ACOT11: variants seen among roughly 807,000 people sequenced by gnomAD.
ACOT11 encodes acyl-coenzyme A thioesterase 11.
In ACOT11, 69 loss-of-function variants were observed where a neutral mutation model predicts 77.5. The observed-to-expected ratio is 0.89, with a 90% confidence interval of 0.73 to 1.09. The LOEUF is 1.09. Ranked by LOEUF, ACOT11 falls within the 50% of genes least tolerant of loss-of-function variation. The probability of loss-of-function intolerance (pLI) is 0.00; values close to 1 mark genes in which losing one functional copy is unlikely to be tolerated. For missense variants in ACOT11, 766 were observed against 813.7 expected (o/e 0.94, Z 0.71); for synonymous variants, 279 against 313.0 (o/e 0.89, Z 1.15).
intron 15 of ACOT11, among the ~76,000 whole-genome samples, chr1:54,622,275 CAAAAAAAAAAA>C (rs34730286): frequency 1.7e-4 from 8 of 45,934 alleles, no homozygotes; most frequent in African/African-American, 7.2e-4. Context: ...GACTCTGTCT[CAAAAAAAAAAA>C]AAAAAAAAAA....
chr1:54,569,168 C>T (rs1653848537), intron 1 of ACOT11, among the ~76,000 whole-genome samples: 1 of 150,972 alleles, frequency 6.6e-6, no homozygotes, highest in Non-Finnish European at 1.5e-5. Context: ...TGCTCTCTTG[C>T]CCAAGTTGGT....
rs541754877 is a variant in ACOT11, at chr1:54,575,269, G to T, written c.34-9386G>T. ...TCACATATTTGCTTATGGGTCAAATGAGATGTGAATGGGAAAGCATTCAGG... is the reference window on the plus strand; with the variant it reads ...TCACATATTTGCTTATGGGTCAAATTAGATGTGAATGGGAAAGCATTCAGG... On this transcript the variant is annotated intron_variant, in intron 1 of 15. Transcript: ENST00000343744. Among the ~76,000 whole-genome samples the T allele has an allele frequency of 1.0e-3, 156 of 152,338 alleles. 1 individual carries two copies. Among genetic ancestry groups the T allele is most frequent in the Non-Finnish European group, 1.0e-3 (71 of 68,026 alleles).
chr1:54,563,118 C>T (rs1017789043), intron 1 of ACOT11, among the ~76,000 whole-genome samples: 5 of 152,250 alleles, frequency 3.3e-5, no homozygotes, highest in Non-Finnish European at 5.9e-5. Context: ...GCCTCCCGGG[C>T]GGCGCTCGCT....
rs1569747452 is a variant in ACOT11, at chr1:54,599,308, T to G, written c.777T>G (p.Arg259=). The G allele has an allele frequency of 6.3e-7, 1 of 1,588,536 alleles. No individual in the cohort carries two copies. Among genetic ancestry groups the G allele is most frequent in the East Asian group, 2.3e-5 (1 of 43,722 alleles). ...CCTGCCTCCTCAGCCGGCTCTGCCG[T>G]GCCCACCCTACGCTGAAGGCCATTG... ...VATIAASRLC[R]AHPTLKAIEM... The change falls in exon 8 of 16, where the codon CGT becomes CGG. Residue 259 remains arginine, a synonymous_variant. Coordinates refer to ENST00000343744, the MANE Select transcript of ACOT11 (RefSeq NM_147161.4).
chr1:54,603,285 G>GT (rs1411334288), intron 10 of ACOT11, among the ~76,000 whole-genome samples: 1 of 152,188 alleles, frequency 6.6e-6, no homozygotes, highest in Non-Finnish European at 1.5e-5. Context: ...GGAGTTGCAG[G>GT]TTGTAGCAAG....
chr1:54,560,867 G>A (rs767959599), intron 1 of ACOT11, among the ~76,000 whole-genome samples: 1 of 152,020 alleles, frequency 6.6e-6, no homozygotes, highest in South Asian at 2.1e-4. Context: ...GATTACAGGC[G>A]CCTGCCACCA....
At chr1:54,573,724 C>T (rs1176311084) in intron 1 of ACOT11, among the ~76,000 whole-genome samples, 1 of 150,658 alleles carries the variant, frequency 6.6e-6, no homozygotes, top group Non-Finnish European at 1.5e-5. Flanking sequence ...CAGAGTGAAA[C>T]TCTCTCAAAA....
At chr1:54,602,298 T>C (rs1230687990) in intron 9 of ACOT11, among the ~76,000 whole-genome samples, 1 of 152,016 alleles carries the variant, frequency 6.6e-6, no homozygotes, top group African/African-American at 2.4e-5. Context: ...CCTCAGAGGG[T>C]TGTTGTAAGG....
chr1:54,607,395 G>A lies in ACOT11; in HGVS notation c.1502+130G>A, dbSNP rs1231386944. 10 of 1,387,980 alleles carry A rather than the reference G, an allele frequency of 7.2e-6. No individual in the cohort carries two copies. The African/African-American group carries it at 1.1e-4, about 16-fold the overall frequency. 86.0% of individuals were successfully genotyped at this position (1,387,980 alleles called of 1,614,324 possible). On this transcript the variant is annotated intron_variant, in intron 14 of 15. Coordinates refer to ENST00000343744, the MANE Select transcript of ACOT11 (RefSeq NM_147161.4). This position sits in a 1 kb window ranked among gnomAD's most constrained non-coding sequence, Gnocchi z 4.5. ...CTTCCCATTGGCTGTGGGGCCCCAG[G>A]CACCACTAGACTTTTCTGGGCTGCT... is the stretch of plus-strand genomic sequence containing the variant.
At chr1:54,606,324 G>T (rs372553264) in intron 13 of ACOT11, among the ~76,000 whole-genome samples, 10 of 152,196 alleles carry the variant, frequency 6.6e-5, no homozygotes, top group Admixed American at 6.5e-5. Flanking sequence ...TGGGATTTGT[G>T]GGGGAGTGGC....
At chr1:54,610,334 GACCGGCGGT>G (rs1644103599), downstream of ACOT11, 3 of 1,562,912 alleles carry the variant, frequency 1.9e-6, no homozygotes, top group Non-Finnish European at 1.7e-6. Flanking sequence ...TGGCAACAGA[GACCGGCGGT>G]ACCTGCCCCA....
Position 54,595,295 on chromosome 1 carries a change from G to A in ACOT11, c.607+604G>A, listed in dbSNP as rs558956287. On this transcript the variant is annotated intron_variant, in intron 6 of 15. Transcript: ENST00000343744. ...TGGGAGGCGGAGATTGCAGTGAGCC[G>A]AGATCACACCATTGCACTCCAGCCT... Among the ~76,000 whole-genome samples, 14 of 151,138 alleles carry A rather than the reference G, an allele frequency of 9.3e-5. No homozygotes were observed. The East Asian group carries it at 1.4e-3, about 15-fold the overall frequency.
chr1:54,586,757 A>T (rs1654516445), intron 3 of ACOT11, among the ~76,000 whole-genome samples: 1 of 151,742 alleles, frequency 6.6e-6, no homozygotes, highest in African/African-American at 2.4e-5. Flanking sequence ...TCTTTCTTTT[A>T]ATGGCTGTAC....
At position 54,608,965 on chromosome 1, in the gene ACOT11, C is replaced by T. The variant is rs760521864; in HGVS notation, c.1638C>T (p.Tyr546=). The change falls in exon 16 of 16, where the codon TAC becomes TAT. Residue 546 remains tyrosine (Y), a synonymous_variant. Coordinates refer to ENST00000343744, the MANE Select transcript of ACOT11 (RefSeq NM_147161.4). ...GGCTTCCCACCCTGCAGGTATCCTA[C>T]TACAACCAGGCCACCCCAGGTGTTC... ...REGDQLTKVS[Y]YNQATPGVLN... is the part of the protein sequence containing the mutation. 19 of 1,613,784 alleles carry T rather than the reference C, an allele frequency of 1.2e-5. No homozygotes were observed. In the Admixed American group the frequency reaches 3.2e-4, roughly 27 times the overall value.
intron 12 of ACOT11, 109 bp downstream of exon 12, chr1:54,604,538 A>G (rs2101003816): frequency 1.9e-6 from 2 of 1,071,430 alleles, no homozygotes; most frequent in East Asian, 5.1e-5. Context: ...AGATCTCTTC[A>G]AAGAATTGGG....
chr1:54,611,512 G>A, downstream of ACOT11: 1 of 1,339,100 alleles, frequency 7.5e-7, no homozygotes, highest in Non-Finnish European at 1.0e-6. Flanking sequence ...TCCCCCTTCT[G>A]ATATCCCTTC....
intron 1 of ACOT11, among the ~76,000 whole-genome samples, chr1:54,581,521 G>A (rs1052429592): frequency 5.3e-5 from 8 of 152,194 alleles, no homozygotes; most frequent in Admixed American, 3.9e-4. Context: ...TCTGTGACAT[G>A]ACTCTGGCTC....
At chr1:54,595,887 G>T (rs1331313395) in intron 6 of ACOT11, among the ~76,000 whole-genome samples, 1 of 152,204 alleles carries the variant, frequency 6.6e-6, no homozygotes, top group Non-Finnish European at 1.5e-5. Flanking sequence ...TCCCCGGAGT[G>T]GGGAGAGAGC....
chr1:54,620,876 A>AAAAAAAAAAAAC, intron 15 of ACOT11, among the ~76,000 whole-genome samples: 1 of 141,066 alleles, frequency 7.1e-6, no homozygotes, highest in Admixed American at 7.3e-5. Context: ...AAAAAAAAAA[A>AAAAAAAAAAAAC]AGGCTGGGTT....
Sources: allele counts gnomAD v4.1 joint callset (sites outside exome capture counted in the v4.1 genomes callset), GRCh38; gene constraint gnomAD v4.1.1; non-coding constraint Gnocchi (gnomAD v3.1); transcripts MANE v1.5; gene names NCBI Gene and HGNC (gene_info 2026-07-23, HGNC 2026-07-21).